DAB1: variants seen among roughly 807,000 people sequenced by gnomAD.
DAB1 encodes the protein DAB adaptor protein 1.
A neutral mutation model predicts 64.6 loss-of-function variants in DAB1; 15 were observed. That is an observed-to-expected ratio of 0.23 (90% CI 0.16 to 0.36). DAB1 has a LOEUF of 0.36. Among genes scored for constraint, DAB1 ranks in the 10% least tolerant of loss-of-function variants. DAB1 has a pLI of 1.00. For missense variants in DAB1, 596 were observed against 706.7 expected (o/e 0.84, Z 1.78); for synonymous variants, 235 against 251.9 (o/e 0.93, Z 0.64).
intron 5 of DAB1, among the ~76,000 whole-genome samples, chr1:58,067,565 C>T (rs1369575619): frequency 3.3e-5 from 5 of 151,816 alleles, no homozygotes; most frequent in African/African-American, 4.8e-5. Context: ...AGGACCATTT[C>T]AAAAAAAGTA....
At chr1:58,198,948 A>T (rs1216411483) in intron 4 of DAB1, among the ~76,000 whole-genome samples, 1 of 152,150 alleles carries the variant, frequency 6.6e-6, no homozygotes, top group African/African-American at 2.4e-5. Context: ...TCTACTAAAA[A>T]TACAAAAAAT....
At chr1:57,892,912 T>A (rs895336504) in intron 5 of DAB1, among the ~76,000 whole-genome samples, 13 of 152,146 alleles carry the variant, frequency 8.5e-5, no homozygotes, top group Non-Finnish European at 1.6e-4. Flanking sequence ...AACAATTATT[T>A]TATGTCATTG....
At chr1:58,388,770 G>A (rs761042960) in intron 3 of DAB1, among the ~76,000 whole-genome samples, 4 of 152,142 alleles carry the variant, frequency 2.6e-5, no homozygotes, top group East Asian at 1.9e-4. Context: ...GCTCTTTACC[G>A]CAATTTTTTA....
Position 58,331,551 on chromosome 1 carries a change from T to C in DAB1, n.309+11801A>G, listed in dbSNP as rs1163024629. 2.0e-5 allele frequency among the ~76,000 whole-genome samples: 3 copies of C among 152,096 alleles called. No individual in the cohort carries two copies. The East Asian group carries it at 5.8e-4, about 29-fold the overall frequency. On this transcript the variant is annotated intron_variant and non_coding_transcript_variant, in intron 4 of 20. Coordinates refer to the DAB1 transcript ENST00000485760. ...GAAAGAGTCCACTGATGCAGCAAACTTCATTGTTGTCTTGTTTAAAGAAAT... is the reference window on the plus strand; with the variant it reads ...GAAAGAGTCCACTGATGCAGCAAACCTCATTGTTGTCTTGTTTAAAGAAAT...
intron 3 of DAB1, among the ~76,000 whole-genome samples, chr1:58,449,964 T>C (rs1255803583): frequency 2.0e-5 from 3 of 152,216 alleles, no homozygotes; most frequent in Non-Finnish European, 4.4e-5. Context: ...GACATATGTA[T>C]GATTTTATAA....
At chr1:57,419,008 T>C (rs888657332) in intron 1 of DAB1, among the ~76,000 whole-genome samples, 3 of 152,216 alleles carry the variant, frequency 2.0e-5, no homozygotes, top group African/African-American at 7.2e-5. Flanking sequence ...TGAATTTATA[T>C]CCTGATATGC....
intron 4 of DAB1, among the ~76,000 whole-genome samples, chr1:58,334,106 T>C (rs930001541): frequency 1.3e-5 from 2 of 152,292 alleles, no homozygotes; most frequent in East Asian, 3.9e-4. Context: ...CTTACTGACG[T>C]TGAGCTTGGC....
intron 6 of DAB1, among the ~76,000 whole-genome samples, chr1:57,777,124 C>T (rs549694186): frequency 7.3e-6 from 1 of 137,644 alleles, no homozygotes; most frequent in Non-Finnish European, 1.6e-5. Context: ...AAGATTTTTC[C>T]GTTATTTTCT....
intron 1 of DAB1, among the ~76,000 whole-genome samples, chr1:57,357,468 T>C (rs2100882913): frequency 6.6e-6 from 1 of 151,980 alleles, no homozygotes; most frequent in South Asian, 2.1e-4. Flanking sequence ...TTTCTTCAAT[T>C]TCTTTTATCA....
At chr1:57,292,738 C>T (rs1672876783) in intron 1 of DAB1, among the ~76,000 whole-genome samples, 1 of 152,086 alleles carries the variant, frequency 6.6e-6, no homozygotes, top group Admixed American at 6.6e-5. Flanking sequence ...ACCATGTAAC[C>T]ATGCTGGCCA....
intron 6 of DAB1, among the ~76,000 whole-genome samples, chr1:57,772,974 C>T (rs1444044407): frequency 1.3e-5 from 2 of 151,896 alleles, no homozygotes; most frequent in African/African-American, 2.4e-5. Flanking sequence ...CAGGAGAATA[C>T]CATGTGTAAA....
chr1:57,089,851 G>GT (rs1557700213), intron 4 of DAB1, among the ~76,000 whole-genome samples: 1 of 152,182 alleles, frequency 6.6e-6, no homozygotes, highest in African/African-American at 2.4e-5. Flanking sequence ...ACTGTACTGT[G>GT]ACTGCTGGTT....
intron 3 of DAB1, among the ~76,000 whole-genome samples, chr1:58,479,007 T>C (rs116024985): frequency 0.012 from 1,825 of 152,342 alleles, 17 homozygotes; most frequent in Middle Eastern, 0.02. Context: ...ACATTTCTTT[T>C]ACATTTAATT....
intron 7 of DAB1, among the ~76,000 whole-genome samples, chr1:57,462,687 C>A (rs376580412): frequency 6.6e-6 from 1 of 152,124 alleles, no homozygotes; most frequent in African/African-American, 2.4e-5. Context: ...AGTTAACATG[C>A]ACATGGACAC....
chr1:57,521,022 G>A (rs1220203924), intron 7 of DAB1, among the ~76,000 whole-genome samples: 4 of 152,266 alleles, frequency 2.6e-5, no homozygotes, highest in Admixed American at 6.5e-5. Context: ...GTTCTAAGCA[G>A]GGAATTCACT....
intron 4 of DAB1, among the ~76,000 whole-genome samples, chr1:58,172,217 T>G (rs1656213014): frequency 6.6e-6 from 1 of 152,148 alleles, no homozygotes; most frequent in Non-Finnish European, 1.5e-5. Flanking sequence ...AAACTCCTCT[T>G]TATATGTCAG....
intron 6 of DAB1, among the ~76,000 whole-genome samples, chr1:57,678,508 A>G (rs1646595374): frequency 6.6e-6 from 1 of 152,278 alleles, no homozygotes; most frequent in Admixed American, 6.5e-5. Context: ...AACTATGGGG[A>G]CCAGTTAGTC....
rs572346299 is a variant in DAB1 at position 58,529,913 on chromosome 1, C to A, written n.33-2578G>T. On this transcript the variant is annotated intron_variant and non_coding_transcript_variant, in intron 1 of 20. Transcript: ENST00000485760. ...TATTTTTTTTTGAGATGTAGTCTCA[C>A]TCTGTCGCCCAGGCTGGAGTGCAGT... Among the ~76,000 whole-genome samples the A allele has an allele frequency of 3.3e-5, 5 of 152,130 alleles. No homozygotes were observed. The South Asian group carries it at 1.0e-3, about 32-fold the overall frequency.
In DAB1 at chr1:57,418,342, G is replaced by A. The variant is rs142297470; in HGVS notation, c.-137+5588C>T. 1.3e-3 allele frequency among the ~76,000 whole-genome samples: 196 copies of A among 152,262 alleles called. 1 individual carries two copies. Among genetic ancestry groups the A allele is most frequent in the Non-Finnish European group, 2.1e-3 (145 of 68,002 alleles). ...GAATGTGACAAAGGCAGATAGAAAC[G>A]AGGAAAGACAGAGACAGAGAAAGAG... On this transcript the variant is annotated intron_variant, in intron 1 of 14. Transcript: ENST00000371236.
Sources: allele counts gnomAD v4.1 joint callset (sites outside exome capture counted in the v4.1 genomes callset), GRCh38; gene constraint gnomAD v4.1.1; transcripts MANE v1.5; gene names NCBI Gene and HGNC (gene_info 2026-07-23, HGNC 2026-07-21).